The following PARM1 variants were observed in gnomAD, a reference collection of about 807,000 sequenced individuals.
The protein encoded by PARM1 is prostate androgen-regulated mucin-like protein 1.
Under a neutral mutation model 24.6 loss-of-function variants are expected in PARM1, and 14 were observed. The observed-to-expected ratio is 0.57, with a 90% CI of 0.38 to 0.89. The LOEUF (loss-of-function observed/expected upper bound fraction) is 0.89, where lower values mean the gene tolerates loss of function less well. PARM1 is among the 40% of genes least tolerant of loss of function. PARM1 has a pLI of 0.00. For missense variants in PARM1, 362 were observed against 380.4 expected (o/e 0.95, Z 0.40); for synonymous variants, 179 against 156.6 (o/e 1.14, Z -1.07).
chr4:75,033,023 T>A (rs1361695324), intron 2 of PARM1, among the ~76,000 whole-genome samples: 1 of 152,222 alleles, frequency 6.6e-6, no homozygotes. Context: ...ATGTTGTGCT[T>A]CAAAGTAGTA....
chr4:74,940,343 A>G (rs1483772321), intron 1 of PARM1, among the ~76,000 whole-genome samples: 2 of 152,192 alleles, frequency 1.3e-5, no homozygotes, highest in East Asian at 3.8e-4. Context: ...AGGCTGCTAT[A>G]ACAAAACACC....
intron 1 of PARM1, chr4:74,997,744 G>A (rs959189154): frequency 2.6e-5 from 4 of 152,162 alleles, no homozygotes. Context: ...CTCTGCCTCC[G>A]ATGAAGCATG....
chr4:74,934,342 C>T (rs1721130624), intron 1 of PARM1, among the ~76,000 whole-genome samples: 1 of 152,176 alleles, frequency 6.6e-6, no homozygotes, highest in East Asian at 1.9e-4. Flanking sequence ...AAATGTGACC[C>T]AAAGTCACAT....
chr4:74,938,754 A>G (rs755498000), intron 1 of PARM1, among the ~76,000 whole-genome samples: 2 of 152,196 alleles, frequency 1.3e-5, no homozygotes, highest in Non-Finnish European at 2.9e-5. Context: ...GTTCATCATA[A>G]TCCTTTACAC....
intron 1 of PARM1, among the ~76,000 whole-genome samples, chr4:74,946,602 T>A (rs1721417608): frequency 6.6e-6 from 1 of 152,192 alleles, no homozygotes; most frequent in Non-Finnish European, 1.5e-5. Flanking sequence ...ATACATAAGA[T>A]GAATCTGGAA....
Position 75,010,336 on chromosome 4 carries a change from T to A in PARM1, c.44-2089T>A, listed in dbSNP as rs556725608. Among the ~76,000 whole-genome samples, 30 of 152,168 alleles carry A rather than the reference T, an allele frequency of 2.0e-4. No individual in the cohort carries two copies. The East Asian group carries it at 5.6e-3, about 28-fold the overall frequency. ...ATAGAGACAGTAGAGTGTAGAATGGTTGGTTGTTTTTATGCCATTCCCATG... is the reference window on the plus strand; with the variant it reads ...ATAGAGACAGTAGAGTGTAGAATGGATGGTTGTTTTTATGCCATTCCCATG... On this transcript the variant is annotated intron_variant, in intron 1 of 3. Coordinates refer to ENST00000307428, the MANE Select transcript of PARM1 (RefSeq NM_015393.4).
intron 1 of PARM1, among the ~76,000 whole-genome samples, chr4:74,964,727 C>T (rs1355798332): frequency 6.6e-6 from 1 of 152,042 alleles, no homozygotes. Context: ...CTAATCTGTT[C>T]CTAGACATTT....
intron 2 of PARM1, among the ~76,000 whole-genome samples, chr4:75,019,367 G>A (rs1038886983): frequency 6.6e-5 from 10 of 152,204 alleles, no homozygotes; most frequent in Admixed American, 1.3e-4. Flanking sequence ...TATAGTTACT[G>A]TGCTTGTTGC....
At chr4:74,961,985 C>A (rs1189357009) in intron 1 of PARM1, among the ~76,000 whole-genome samples, 1 of 152,146 alleles carries the variant, frequency 6.6e-6, no homozygotes, top group Non-Finnish European at 1.5e-5. Context: ...ATTTAAGAGA[C>A]TAATGCTTAT....
At chr4:75,031,203 T>C (rs1723268586) in intron 2 of PARM1, among the ~76,000 whole-genome samples, 1 of 152,212 alleles carries the variant, frequency 6.6e-6, no homozygotes, top group Admixed American at 6.5e-5. Context: ...CTTGTTCCCA[T>C]GGCTGGCATC....
At chr4:74,960,874 G>A (rs1578028971) in intron 1 of PARM1, among the ~76,000 whole-genome samples, 1 of 151,920 alleles carries the variant, frequency 6.6e-6, no homozygotes, top group Non-Finnish European at 1.5e-5. Context: ...AATTAGCGGG[G>A]TGTGGTGGCA....
chr4:74,978,680 C>T (rs569019417), intron 1 of PARM1, among the ~76,000 whole-genome samples: 3 of 152,282 alleles, frequency 2.0e-5, no homozygotes, highest in Admixed American at 2.0e-4. Flanking sequence ...AATTGCCTGA[C>T]ACTTTACTCT....
At chr4:74,958,555 C>G (rs1279127006) in intron 1 of PARM1, among the ~76,000 whole-genome samples, 2 of 152,148 alleles carry the variant, frequency 1.3e-5, no homozygotes, top group African/African-American at 4.8e-5. Flanking sequence ...TACAAAGGTC[C>G]AGTGTCCACA....
Position 75,012,825 on chromosome 4 carries a change from C to T in PARM1, c.444C>T (p.Leu148=), listed in dbSNP as rs374029387. 1.9e-6 allele frequency: 3 copies of T among 1,613,966 alleles called. No individual in the cohort carries two copies. Among genetic ancestry groups the T allele is most frequent in the East Asian group, 2.2e-5 (1 of 44,878 alleles). ...AGTCCGCTGCTGAGCCTCCCACACT[C>T]ATCTCCCCTCAAGCTCCAGCCTCAT... ...LSQSAAEPPT[L]ISPQAPASSP... The change falls in exon 2 of 4, where the codon CTC becomes CTT. Residue 148 remains leucine, a synonymous_variant. Transcript: ENST00000307428.
At chr4:75,045,548 A>G (rs778299930) in intron 3 of PARM1, among the ~76,000 whole-genome samples, 3 of 152,232 alleles carry the variant, frequency 2.0e-5, no homozygotes, top group Non-Finnish European at 4.4e-5. Flanking sequence ...CTGGATTTAG[A>G]TAATGGAGAT....
intron 1 of PARM1, among the ~76,000 whole-genome samples, chr4:74,952,209 T>C (rs1721539243): frequency 1.3e-5 from 2 of 152,250 alleles, no homozygotes; most frequent in Admixed American, 6.5e-5. Context: ...CTTTTTTTCA[T>C]ATATTTGTTG....
In PARM1 at chr4:75,015,589, T is replaced by C. The variant is rs917913408; in HGVS notation, c.769+2439T>C. On this transcript the variant is annotated intron_variant, in intron 2 of 3. Transcript: ENST00000307428. ...ATCCTTTGAGATTTTATAGTTTAAG[T>C]AGAGAGAAAGGACACAGGACAAGTA... 3.9e-5 allele frequency among the ~76,000 whole-genome samples: 6 copies of C among 152,302 alleles called. No homozygotes were observed. In the South Asian group the frequency reaches 1.2e-3, roughly 32 times the overall value.
chr4:75,020,692 A>G (rs1292206212), intron 2 of PARM1, among the ~76,000 whole-genome samples: 1 of 152,056 alleles, frequency 6.6e-6, no homozygotes, highest in Non-Finnish European at 1.5e-5. Context: ...GTGTCATCCC[A>G]CAACCCTCCC....
intron 1 of PARM1, among the ~76,000 whole-genome samples, chr4:75,000,902 G>C (rs1319239930): frequency 6.6e-6 from 1 of 152,204 alleles, no homozygotes; most frequent in Non-Finnish European, 1.5e-5. Context: ...TAAGTGGTTT[G>C]ACCTATAGTT....
Sources: gnomAD v4.1 joint callset for allele counts (sites outside exome capture counted in the v4.1 genomes callset) on GRCh38, gnomAD v4.1.1 for gene constraint, MANE v1.5 for transcripts, NCBI Gene and HGNC (gene_info 2026-07-23, HGNC 2026-07-21) for gene names.